The following ENAH variants were observed in gnomAD, a reference collection of about 807,000 sequenced individuals.
ENAH encodes the protein ENAH actin regulator.
A neutral mutation model predicts 78.7 loss-of-function variants in ENAH; 23 were observed. The observed-to-expected ratio is 0.29, with a 90% CI of 0.21 to 0.41. ENAH has a LOEUF of 0.41. Ranked by LOEUF, ENAH falls within the 10% of genes least tolerant of loss-of-function variation. The pLI, the probability that ENAH is intolerant of heterozygous loss-of-function variation, is 1.00. For missense variants in ENAH, 544 were observed against 691.0 expected (o/e 0.79, Z 2.39); for synonymous variants, 226 against 241.0 (o/e 0.94, Z 0.58).
intron 3 of ENAH, among the ~76,000 whole-genome samples, chr1:225,544,041 G>T (rs551356230): frequency 1.3e-5 from 2 of 152,194 alleles, no homozygotes; most frequent in East Asian, 3.9e-4. Flanking sequence ...CGTGGAACAG[G>T]TTTGGCTGCT....
chr1:225,622,464 A>G (rs1267883556), intron 1 of ENAH, among the ~76,000 whole-genome samples: 1 of 152,192 alleles, frequency 6.6e-6, no homozygotes, highest in Non-Finnish European at 1.5e-5. Context: ...TGTATTAAAT[A>G]TTTGATAAGC....
At chr1:225,637,344 AT>A (rs1265846609) in intron 1 of ENAH, among the ~76,000 whole-genome samples, 1 of 152,156 alleles carries the variant, frequency 6.6e-6, no homozygotes, top group South Asian at 2.1e-4. Context: ...AGTAGCTGGG[AT>A]TATAGGCATG....
chr1:225,536,708 TAAAA>T (rs996060627), intron 3 of ENAH, among the ~76,000 whole-genome samples: 2 of 152,032 alleles, frequency 1.3e-5, no homozygotes, highest in Non-Finnish European at 2.9e-5. Flanking sequence ...ATGTCTTAAA[TAAAA>T]GAGAATTTTT....
intron 2 of ENAH, among the ~76,000 whole-genome samples, chr1:225,566,533 T>A (rs944097289): frequency 6.6e-6 from 1 of 152,226 alleles, no homozygotes; most frequent in Non-Finnish European, 1.5e-5. Context: ...ATTTTTAAAG[T>A]CAGTTGATTC....
At chr1:225,514,951 A>G in intron 6 of ENAH, 51 bp from the exon 7 acceptor site, 1 of 1,464,182 alleles carries the variant, frequency 6.8e-7, no homozygotes, top group Non-Finnish European at 9.5e-7. Flanking sequence ...GCTGAGTGAT[A>G]TTATTTTATG....
chr1:225,582,961 C>G (rs999065318), intron 1 of ENAH, among the ~76,000 whole-genome samples: 1 of 152,124 alleles, frequency 6.6e-6, no homozygotes, highest in East Asian at 1.9e-4. Context: ...AAAAATGAAA[C>G]TTTACATAAA....
intron 2 of ENAH, among the ~76,000 whole-genome samples, chr1:225,558,199 T>C (rs909591640): frequency 6.6e-6 from 1 of 152,174 alleles, no homozygotes; most frequent in Non-Finnish European, 1.5e-5. Flanking sequence ...CAGGTTTTGA[T>C]ACCAAAGTAA....
chr1:225,623,014 A>G (rs2148276457), intron 1 of ENAH, among the ~76,000 whole-genome samples: 1 of 152,324 alleles, frequency 6.6e-6, no homozygotes, highest in South Asian at 2.1e-4. Flanking sequence ...CTCAACTTGA[A>G]ACAGAAAAAC....
chr1:225,549,029 T>C (rs1025047211), intron 3 of ENAH, among the ~76,000 whole-genome samples: 1 of 152,022 alleles, frequency 6.6e-6, no homozygotes, highest in African/African-American at 2.4e-5. Flanking sequence ...TTTGCGTTTT[T>C]AGTAGAGATG....
In ENAH at chr1:225,512,971, T is replaced by G. The variant is rs2096388772; in HGVS notation, c.1264A>C (p.Asn422His). 1 of 1,613,786 alleles carries G rather than the reference T, an allele frequency of 6.2e-7. No individual in the cohort carries two copies. The highest frequency in any genetic ancestry group is 8.5e-7 in the Non-Finnish European group (1 of 1,179,864). ...GTATCTGTTTTAGATGAGGCGGAGT[T>G]CACACCAATAGCATTCCCTCCACTT... ...FPSGGNAIGV[N>H]SASSKTDTGR... Residue 422 changes from asparagine (N) to histidine (H), a missense_variant, in exon 8 of 14, where the codon AAC (asparagine) becomes CAC (histidine). Transcript: ENST00000366843.
intron 3 of ENAH, among the ~76,000 whole-genome samples, chr1:225,536,212 G>A (rs551092584): frequency 6.6e-6 from 1 of 151,854 alleles, no homozygotes; most frequent in East Asian, 1.9e-4. Context: ...AAAAATGTGT[G>A]GCCAGATCAA....
At chr1:225,580,932 G>C (rs1372044550) in intron 1 of ENAH, among the ~76,000 whole-genome samples, 2 of 60,058 alleles carry the variant, frequency 3.3e-5, no homozygotes, top group African/African-American at 6.4e-5. Flanking sequence ...AAAAAAAAAA[G>C]CCAAGATTAC....
chr1:225,575,099 A>G (rs1249697417), intron 1 of ENAH, among the ~76,000 whole-genome samples: 1 of 152,072 alleles, frequency 6.6e-6, no homozygotes, highest in Admixed American at 6.5e-5. Context: ...CATCCTACAA[A>G]TGTAGGGTTC....
chr1:225,580,879 C>G (rs932648509), intron 1 of ENAH, among the ~76,000 whole-genome samples: 1 of 118,042 alleles, frequency 8.5e-6, no homozygotes, highest in Non-Finnish European at 1.6e-5. Context: ...CCAGCCTGGG[C>G]AACAGGGCGA....
intron 4 of ENAH, among the ~76,000 whole-genome samples, chr1:225,523,610 G>A (rs2096485647): frequency 6.6e-6 from 1 of 152,050 alleles, no homozygotes; most frequent in African/African-American, 2.4e-5. Context: ...CTAATTTTTA[G>A]CTTGCTTGCT....
intron 3 of ENAH, among the ~76,000 whole-genome samples, chr1:225,537,603 G>A (rs1415263347): frequency 6.6e-6 from 1 of 152,136 alleles, no homozygotes; most frequent in African/African-American, 2.4e-5. Context: ...TTATTGTCCA[G>A]GTTGAGTAAA....
chr1:225,512,891 C>T lies in ENAH; in HGVS notation c.1344G>A (p.Met448Ile), dbSNP rs2096388327. Residue 448 changes from methionine to isoleucine, a missense_variant, in exon 8 of 14, where the codon ATG (methionine) becomes ATA (isoleucine). Transcript: ENST00000366843. ...CTTACCTCCTGGCCAGCAGGGCACT[C>T]ATTTCTTCCATTAAACCACTACCCC... ...PLGGSGLMEE[M>I]SALLARRRRI... 1 of 1,613,834 alleles carries T rather than the reference C, an allele frequency of 6.2e-7. No individual in the cohort carries two copies. The highest frequency in any genetic ancestry group is 8.5e-7 in the Non-Finnish European group (1 of 1,179,912).
chr1:225,577,560 A>G (rs1473792522), intron 1 of ENAH, among the ~76,000 whole-genome samples: 3 of 152,248 alleles, frequency 2.0e-5, no homozygotes, highest in Admixed American at 2.0e-4. Flanking sequence ...TGAGAAATAG[A>G]ATAATAAATA....
chr1:225,623,945 A>G (rs1267443971), intron 1 of ENAH, among the ~76,000 whole-genome samples: 3 of 152,066 alleles, frequency 2.0e-5, no homozygotes, highest in Admixed American at 6.6e-5. Context: ...TGGAATCCCC[A>G]GTGTTTATTG....
Sources: gnomAD v4.1 joint callset for allele counts (sites outside exome capture counted in the v4.1 genomes callset) on GRCh38, gnomAD v4.1.1 for gene constraint, MANE v1.5 for transcripts, NCBI Gene and HGNC (gene_info 2026-07-23, HGNC 2026-07-21) for gene names.